Variants in CREBBP observed in about 807,000 individuals in gnomAD.
The protein encoded by CREBBP is CREB binding lysine acetyltransferase.
In CREBBP, 19 loss-of-function variants were observed where a neutral mutation model predicts 265.0. The observed-to-expected ratio is 0.07, with a 90% confidence interval of 0.05 to 0.11. The LOEUF is 0.11. CREBBP is among the 10% of genes least tolerant of loss of function. The probability of loss-of-function intolerance (pLI) is 1.00; values close to 1 mark genes in which losing one functional copy is unlikely to be tolerated. For synonymous variants in CREBBP, 1,457 were observed against 1,223.7 expected (o/e 1.19, Z -3.98); for missense variants, 2,525 against 3,219.0 (o/e 0.78, Z 5.22).
At chr16:3,764,871 C>A (rs2052809068) in intron 16 of CREBBP, among the ~76,000 whole-genome samples, 1 of 152,208 alleles carries the variant, frequency 6.6e-6, no homozygotes, top group African/African-American at 2.4e-5. Flanking sequence ...ATGTGAGCCA[C>A]CACACCTGGC....
chr16:3,794,102 C>G (rs905632180), intron 3 of CREBBP, among the ~76,000 whole-genome samples: 3 of 151,702 alleles, frequency 2.0e-5, no homozygotes, highest in Non-Finnish European at 4.4e-5. Flanking sequence ...CCGAGGCAGG[C>G]GGATCACGAG....
intron 23 of CREBBP, chr16:3,741,760 T>G (rs1350080427): frequency 1.3e-5 from 2 of 151,594 alleles, no homozygotes; most frequent in Non-Finnish European, 2.9e-5. Context: ...GCCAACATGG[T>G]GAAACCCCCG....
intron 16 of CREBBP, among the ~76,000 whole-genome samples, chr16:3,759,540 T>C (rs184747167): frequency 5.4e-5 from 8 of 146,852 alleles, no homozygotes; most frequent in East Asian, 4.0e-4. Context: ...TGAGCCGAGA[T>C]TGCGCCACTG....
chr16:3,813,418 A>G (rs1343082211), intron 2 of CREBBP, among the ~76,000 whole-genome samples: 1 of 152,224 alleles, frequency 6.6e-6, no homozygotes, highest in Non-Finnish European at 1.5e-5. Context: ...GCTTCCTTCA[A>G]CTGTCATCTG....
intron 3 of CREBBP, among the ~76,000 whole-genome samples, chr16:3,809,932 T>C (rs1435438380): frequency 6.6e-6 from 1 of 151,686 alleles, no homozygotes; most frequent in African/African-American, 2.4e-5. Flanking sequence ...ACACCAGACA[T>C]GCAGCACTGG....
chr16:3,769,915 G>C (rs1330187926), intron 14 of CREBBP, among the ~76,000 whole-genome samples: 3 of 152,018 alleles, frequency 2.0e-5, no homozygotes, highest in African/African-American at 4.8e-5. Flanking sequence ...CTGTCACCTA[G>C]GCTGGAGTAC....
chr16:3,858,440 T>C (rs1400404837), intron 1 of CREBBP, among the ~76,000 whole-genome samples: 1 of 152,210 alleles, frequency 6.6e-6, no homozygotes, highest in Non-Finnish European at 1.5e-5. Flanking sequence ...AAGAACTCTT[T>C]TATGCTCCTA....
intron 1 of CREBBP, among the ~76,000 whole-genome samples, chr16:3,878,214 C>T (rs2540039): frequency 0.15 from 23,128 of 152,258 alleles, 2,112 homozygotes; most frequent in Non-Finnish European, 0.21. Flanking sequence ...GTATGACCTA[C>T]GTCTCACAGA....
intron 11 of CREBBP, among the ~76,000 whole-genome samples, chr16:3,775,835 A>G (rs1367382502): frequency 6.6e-6 from 1 of 152,076 alleles, no homozygotes; most frequent in Non-Finnish European, 1.5e-5. Flanking sequence ...GCATCTTCCT[A>G]TCCAGGCTGA....
At chr16:3,744,982 G>A (rs776430753) in intron 22 of CREBBP, 21 bp from the exon 23 acceptor site, 4 of 1,555,158 alleles carry the variant, frequency 2.6e-6, no homozygotes, top group East Asian at 2.2e-5. Flanking sequence ...ATAGTGGTAT[G>A]ATGAGACTGT....
chr16:3,828,463 C>T (rs2054282112), intron 2 of CREBBP, among the ~76,000 whole-genome samples: 1 of 152,276 alleles, frequency 6.6e-6, no homozygotes, highest in Non-Finnish European at 1.5e-5. Context: ...GAGCCATAAC[C>T]CAATCAGACC....
intron 3 of CREBBP, among the ~76,000 whole-genome samples, chr16:3,798,729 T>C (rs539842778): frequency 8.5e-5 from 13 of 152,302 alleles, no homozygotes; most frequent in African/African-American, 3.1e-4. Context: ...CATACATTGG[T>C]GTGGGAATGT....
Position 3,736,269 on chromosome 16 carries a change from A to C in CREBBP, c.4561-66T>G, listed in dbSNP as rs2052056412. 3 of 1,525,502 alleles carry C rather than the reference A, an allele frequency of 2.0e-6. No individual in the cohort carries two copies. The South Asian group carries it at 3.4e-5, about 17-fold the overall frequency. 94.5% of individuals were successfully genotyped at this position (1,525,502 alleles called of 1,614,324 possible). A position where few individuals can be genotyped will look rare whatever the true frequency, so the allele number is the denominator to read the frequency against. On this transcript the variant is annotated intron_variant, in intron 27 of 30. Transcript: ENST00000262367. The stretch of plus-strand genomic sequence containing the variant: ...CGCGTGCCCCCCACCATGGTGCGAC[A>C]GACCCCCACGCAAGCGTGCCCCTCA...
chr16:3,846,620 AC>A (rs1199050053), intron 2 of CREBBP, among the ~76,000 whole-genome samples: 1 of 152,210 alleles, frequency 6.6e-6, no homozygotes, highest in Non-Finnish European at 1.5e-5. Flanking sequence ...TTCCTATTGT[AC>A]CTATGAAGAA....
intron 23 of CREBBP, among the ~76,000 whole-genome samples, 161 bp downstream of exon 23, chr16:3,744,733 G>A (rs2052299553): frequency 6.6e-6 from 1 of 152,186 alleles, no homozygotes; most frequent in African/African-American, 2.4e-5. Flanking sequence ...CCTTAAGGAT[G>A]AGACAAGAAA....
intron 25 of CREBBP, among the ~76,000 whole-genome samples, chr16:3,739,191 G>A (rs572623964): frequency 2.4e-4 from 36 of 152,348 alleles, no homozygotes; most frequent in African/African-American, 8.7e-4. Flanking sequence ...GGCACAGAGA[G>A]CCACAGTTAA....
At chr16:3,876,031 T>C (rs933672490) in intron 1 of CREBBP, among the ~76,000 whole-genome samples, 1 of 152,108 alleles carries the variant, frequency 6.6e-6, no homozygotes, top group Non-Finnish European at 1.5e-5. Flanking sequence ...CTTCAGAATG[T>C]AGTTTTTCTT....
intron 16 of CREBBP, among the ~76,000 whole-genome samples, chr16:3,764,082 G>C (rs2052788574): frequency 6.6e-6 from 1 of 151,906 alleles, no homozygotes; most frequent in Admixed American, 6.6e-5. Flanking sequence ...TGCTGCTGCT[G>C]TACAGTCACA....
At chr16:3,864,573 A>G (rs2055140885) in intron 1 of CREBBP, among the ~76,000 whole-genome samples, 1 of 152,158 alleles carries the variant, frequency 6.6e-6, no homozygotes, top group Non-Finnish European at 1.5e-5. Flanking sequence ...GCTTGAGCCC[A>G]GGAGATGGAG....
Sources: gnomAD v4.1 joint callset for allele counts (sites outside exome capture counted in the v4.1 genomes callset) on GRCh38, gnomAD v4.1.1 for gene constraint, MANE v1.5 for transcripts, NCBI Gene and HGNC (gene_info 2026-07-23, HGNC 2026-07-21) for gene names.